UBE3D: variants seen among roughly 807,000 people sequenced by gnomAD.
The protein encoded by UBE3D is E3 ubiquitin-protein ligase E3D.
Under a neutral mutation model 49.6 loss-of-function variants are expected in UBE3D, and 48 were observed. The ratio of observed to expected loss-of-function variants is 0.97; its 90% CI spans 0.77 to 1.23. The LOEUF (loss-of-function observed/expected upper bound fraction) is 1.23, where lower values mean the gene tolerates loss of function less well. UBE3D is among the 50% of genes most tolerant of loss of function. The probability of loss-of-function intolerance (pLI) is 0.00; values close to 1 mark genes in which losing one functional copy is unlikely to be tolerated. For synonymous variants in UBE3D, 189 were observed against 174.2 expected, an observed-to-expected ratio of 1.08 and a Z score of -0.67; for missense variants, 452 against 468.4, an observed-to-expected ratio of 0.96 and a Z score of 0.32.
At chr6:83,044,321 G>T in intron 4 of UBE3D, 107 bp downstream of exon 4, 1 of 970,380 alleles carries the variant, frequency 1.0e-6, no homozygotes, top group Non-Finnish European at 1.6e-6. Flanking sequence ...AATGAATTTT[G>T]GCCTTTACAG....
chr6:82,975,253 C>A (rs1218701625), intron 8 of UBE3D, among the ~76,000 whole-genome samples: 1 of 151,912 alleles, frequency 6.6e-6, no homozygotes, highest in Admixed American at 6.6e-5. Context: ...AAGTATGAGA[C>A]CTCTAAAAAT....
At chr6:83,038,556 G>C in intron 4 of UBE3D, 71 bp from the exon 5 acceptor site, 2 of 1,295,310 alleles carry the variant, frequency 1.5e-6, no homozygotes, top group Non-Finnish European at 2.2e-6. Flanking sequence ...TTTTAACATA[G>C]TCCCCAGAGT....
chr6:83,027,525 T>C (rs908875845), intron 5 of UBE3D, among the ~76,000 whole-genome samples: 4 of 150,202 alleles, frequency 2.7e-5, no homozygotes, highest in Admixed American at 2.7e-4. Context: ...AACATATTTA[T>C]CTTAGCCTTA....
intron 3 of UBE3D, among the ~76,000 whole-genome samples, chr6:83,045,691 A>C (rs1421153469): frequency 6.6e-6 from 1 of 152,200 alleles, no homozygotes. Context: ...GAAAACTTAC[A>C]AAGGTAGTGT....
intron 5 of UBE3D, among the ~76,000 whole-genome samples, chr6:83,024,765 C>T (rs1425295112): frequency 6.6e-6 from 1 of 152,098 alleles, no homozygotes; most frequent in Non-Finnish European, 1.5e-5. Context: ...TTTCCTTTTC[C>T]CCAGTGCGCA....
At chr6:82,904,586 T>A (rs1771965277) in intron 9 of UBE3D, among the ~76,000 whole-genome samples, 1 of 152,236 alleles carries the variant, frequency 6.6e-6, no homozygotes, top group South Asian at 2.1e-4. Context: ...ATGGCACAGA[T>A]GAGGCCTTTG....
chr6:83,044,717 A>C (rs1040629656), intron 3 of UBE3D, 58 bp from the exon 4 acceptor site: 27 of 1,335,376 alleles, frequency 2.0e-5, no homozygotes, highest in Middle Eastern at 1.9e-4. Context: ...ACATTTTCTT[A>C]ATTAAATGAC....
At chr6:82,945,196 C>T (rs924186876) in intron 9 of UBE3D, among the ~76,000 whole-genome samples, 1 of 152,210 alleles carries the variant, frequency 6.6e-6, no homozygotes, top group Non-Finnish European at 1.5e-5. Flanking sequence ...TGACCCAGAG[C>T]AGTCTTTGTG....
At chr6:82,947,869 T>A (rs904659997) in intron 9 of UBE3D, among the ~76,000 whole-genome samples, 1 of 151,958 alleles carries the variant, frequency 6.6e-6, no homozygotes, top group Admixed American at 6.6e-5. Flanking sequence ...GCAAAAGTAG[T>A]TCTAGGAGGG....
intron 9 of UBE3D, among the ~76,000 whole-genome samples, chr6:82,900,547 A>G (rs1771656276): frequency 2.6e-5 from 4 of 152,258 alleles, no homozygotes. Flanking sequence ...TTCTTTTAAC[A>G]GACATGCAAC....
chr6:82,951,160 T>C (rs1775768412), intron 9 of UBE3D, among the ~76,000 whole-genome samples: 1 of 152,216 alleles, frequency 6.6e-6, no homozygotes, highest in African/African-American at 2.4e-5. Flanking sequence ...ATACCATATT[T>C]ACCCTTATGT....
chr6:83,034,194 T>A (rs1782078787), intron 5 of UBE3D, among the ~76,000 whole-genome samples: 1 of 152,018 alleles, frequency 6.6e-6, no homozygotes, highest in African/African-American at 2.4e-5. Context: ...TGATTTACTT[T>A]TAGAACAGAT....
Position 82,985,101 on chromosome 6 carries a change from C to T in UBE3D, c.1011-27651G>A, listed in dbSNP as rs371782413. On this transcript the variant is annotated intron_variant, in intron 8 of 9. Coordinates refer to ENST00000369747, the MANE Select transcript of UBE3D (RefSeq NM_198920.3). Reference sequence around the variant, plus strand: ...TCTTGGCCTCAAGTGATCCTCCCACCTGGCCTCCCAAAATGATGGGATTAC... The same window carrying T: ...TCTTGGCCTCAAGTGATCCTCCCACTTGGCCTCCCAAAATGATGGGATTAC... Among the ~76,000 whole-genome samples the T allele has an allele frequency of 6.3e-4, 93 of 146,658 alleles. 3 individuals carry two copies. In the East Asian group the frequency reaches 0.019, roughly 29 times the overall value.
chr6:83,055,225 A>C (rs1229813365), intron 2 of UBE3D, among the ~76,000 whole-genome samples: 1 of 152,214 alleles, frequency 6.6e-6, no homozygotes, highest in African/African-American at 2.4e-5. Context: ...CTTTTATGAA[A>C]TAAGGAAACT....
intron 8 of UBE3D, among the ~76,000 whole-genome samples, chr6:82,991,339 G>A (rs1778869532): frequency 6.6e-6 from 1 of 152,044 alleles, no homozygotes; most frequent in South Asian, 2.1e-4. Flanking sequence ...TACCTCCAAG[G>A]AACTCAATGA....
At chr6:82,908,400 T>A (rs1176773477) in intron 9 of UBE3D, among the ~76,000 whole-genome samples, 1 of 151,230 alleles carries the variant, frequency 6.6e-6, no homozygotes, top group Non-Finnish European at 1.5e-5. Flanking sequence ...CTCTCTACAA[T>A]AAAAAAAAAT....
the UBE3D span, among the ~76,000 whole-genome samples, chr6:82,883,328 A>G: frequency 6.5e-4 from 99 of 152,192 alleles, no homozygotes; most frequent in Non-Finnish European, 1.2e-3. Context: ...TTTTGTAAGA[A>G]TGGATTAACT....
At chr6:83,031,682 T>C (rs1173664946) in intron 5 of UBE3D, among the ~76,000 whole-genome samples, 1 of 152,124 alleles carries the variant, frequency 6.6e-6, no homozygotes, top group Non-Finnish European at 1.5e-5. Flanking sequence ...ACTAAGACAA[T>C]GAGGAAAGTG....
At chr6:83,018,890 T>C in intron 8 of UBE3D, 83 bp downstream of exon 8, 2 of 1,517,906 alleles carry the variant, frequency 1.3e-6, no homozygotes, top group South Asian at 1.2e-5. Flanking sequence ...TATAGTGGCA[T>C]TTAATTCATT....
Sources: allele counts gnomAD v4.1 joint callset (sites outside exome capture counted in the v4.1 genomes callset), GRCh38; gene constraint gnomAD v4.1.1; transcripts MANE v1.5; gene names NCBI Gene and HGNC (gene_info 2026-07-23, HGNC 2026-07-21).